CEP41: variants seen among roughly 807,000 people sequenced by gnomAD.
CEP41 encodes centrosomal protein 41.
Under a neutral mutation model 44.3 loss-of-function variants are expected in CEP41, and 32 were observed. The observed-to-expected ratio is 0.72, with a 90% confidence interval of 0.54 to 0.97. The LOEUF (loss-of-function observed/expected upper bound fraction) is 0.97, where lower values mean the gene tolerates loss of function less well. Among genes scored for constraint, CEP41 ranks in the 50% least tolerant of loss-of-function variants. The pLI is 0.00. For synonymous variants in CEP41, 151 were observed against 168.5 expected (o/e 0.90, Z 0.80); for missense variants, 432 against 455.2 (o/e 0.95, Z 0.46).
chr7:130,400,302 C>T (rs1554416551), intron 9 of CEP41, 48 bp from the exon 10 acceptor site: 1 of 1,349,314 alleles, frequency 7.4e-7, no homozygotes, highest in South Asian at 1.2e-5. Context: ...ATGGCAAGGC[C>T]AGGCCAAAAC....
At chr7:130,427,448 GTC>G (rs1797697114) in intron 2 of CEP41, among the ~76,000 whole-genome samples, 1 of 152,054 alleles carries the variant, frequency 6.6e-6, no homozygotes, top group African/African-American at 2.4e-5. Context: ...ACTCATTCAA[GTC>G]TGTCTGCCTC....
chr7:130,417,317 T>A, intron 2 of CEP41: 1 of 1,115,522 alleles, frequency 9.0e-7, no homozygotes, highest in Non-Finnish European at 1.1e-6. Context: ...ACGATCTTTT[T>A]GTGGGGAAGA....
At position 130,395,802 on chromosome 7, in the gene CEP41, A is replaced by G; in HGVS notation, c.*3089T>C. 2.2e-6 allele frequency: 1 copy of G among 453,674 alleles called. No individual in the cohort carries two copies. Among genetic ancestry groups the G allele is most frequent in the Non-Finnish European group, 4.4e-6 (1 of 226,728 alleles). 28.1% of individuals were successfully genotyped at this position (453,674 alleles called of 1,614,324 possible). A position where few individuals can be genotyped will look rare whatever the true frequency, so the allele number is the denominator to read the frequency against. On this transcript the variant is annotated 3_prime_UTR_variant, in exon 11 of 11. Transcript: ENST00000223208. Reference sequence around the variant, plus strand: ...GGAAAAATCCCTGAGCAACTAATGAATGTTATTTGGTCTCTTTTCATTCGG... The same window carrying G: ...GGAAAAATCCCTGAGCAACTAATGAGTGTTATTTGGTCTCTTTTCATTCGG...
rs781865266 is a variant in CEP41 at position 130,398,995 on chromosome 7, G to C, written c.1018C>G (p.Pro340Ala). ...ANSSGRESKV[P>A]GARSAQNLPG... ...AGATTCTGAGCGCTTCGGGCACCAG[G>C]CACCTTGGACTCTCTTCCGGAGGAG... The change falls in exon 11 of 11, where the codon CCT (proline) becomes GCT (alanine). Residue 340 changes from proline (P) to alanine (A), a missense_variant. By Grantham distance (27) the Pro-to-Ala change is conservative. Transcript: ENST00000223208. 5.0e-6 allele frequency: 8 copies of C among 1,614,070 alleles called. No homozygotes were observed. In the Admixed American group the frequency reaches 5.0e-5, roughly 10 times the overall value.
chr7:130,421,678 A>G, intron 2 of CEP41: 2 of 1,106,632 alleles, frequency 1.8e-6, no homozygotes, highest in Non-Finnish European at 2.2e-6. Context: ...AGACAAAAAT[A>G]AGGCTAGAAA....
At chr7:130,439,349 G>GTA (rs1563001417) in intron 1 of CEP41, among the ~76,000 whole-genome samples, 1 of 151,608 alleles carries the variant, frequency 6.6e-6, no homozygotes, top group African/African-American at 2.4e-5. Flanking sequence ...TAGTAGTTAA[G>GTA]TTTTTTTGCA....
In CEP41 at chr7:130,396,227, G is replaced by A. The variant is rs1477925038; in HGVS notation, c.*2664C>T. On this transcript the variant is annotated 3_prime_UTR_variant, in exon 11 of 11. Transcript: ENST00000223208. ...TCGATGAAGCACCTTCTGTCTCAGGGTTCACAAGCCCCAGACAAGGGCAGC... is the reference window on the plus strand; with the variant it reads ...TCGATGAAGCACCTTCTGTCTCAGGATTCACAAGCCCCAGACAAGGGCAGC... The A allele has an allele frequency of 2.2e-6, 1 of 453,904 alleles. No individual in the cohort carries two copies. Among genetic ancestry groups the A allele is most frequent in the African/African-American group, 2.0e-5 (1 of 49,976 alleles). The allele number at this position is 453,904 out of a possible 1,614,324, so 28.1% of individuals were successfully genotyped here.
chr7:130,410,915 G>C (rs1345534101), intron 5 of CEP41: 2 of 624,508 alleles, frequency 3.2e-6, no homozygotes, highest in Non-Finnish European at 5.8e-6. Context: ...AAAACTGTAA[G>C]TGTTAGAGTC....
At position 130,395,372 on chromosome 7, in the gene CEP41, A is replaced by G. The variant is rs1796628704; in HGVS notation, c.*3519T>C. 4.4e-6 allele frequency: 2 copies of G among 453,804 alleles called. No individual in the cohort carries two copies. The highest frequency in any genetic ancestry group is 6.9e-5 in the East Asian group (1 of 14,406). The allele number at this position is 453,804 out of a possible 1,614,324, so 28.1% of individuals were successfully genotyped here. A position where few individuals can be genotyped will look rare whatever the true frequency, so the allele number is the denominator to read the frequency against. On this transcript the variant is annotated 3_prime_UTR_variant, in exon 11 of 11. Coordinates refer to ENST00000223208, the MANE Select transcript of CEP41 (RefSeq NM_018718.3). ...TTGCGGTGTTTCCTGGGGAAAAAAA[A>G]GTATCGTGGGAGTTAAATCTTTGAA...
At chr7:130,415,555 T>G (rs1554420679) in intron 3 of CEP41, among the ~76,000 whole-genome samples, 1 of 152,350 alleles carries the variant, frequency 6.6e-6, no homozygotes, top group East Asian at 1.9e-4. Context: ...GGAGATCACC[T>G]CCACGTAAGG....
chr7:130,406,541 G>A (rs1431115461), intron 5 of CEP41, among the ~76,000 whole-genome samples: 1 of 152,098 alleles, frequency 6.6e-6, no homozygotes, highest in African/African-American at 2.4e-5. Flanking sequence ...CTGAGATCGT[G>A]CCACTGCACT....
chr7:130,417,340 G>T, intron 2 of CEP41: 8 of 1,083,772 alleles, frequency 7.4e-6, no homozygotes, highest in Non-Finnish European at 9.0e-6. Flanking sequence ...CACAGAAGAG[G>T]AGCAAAAAGG....
chr7:130,403,869 G>GAAT (rs1489659379), intron 6 of CEP41, among the ~76,000 whole-genome samples: 1 of 152,142 alleles, frequency 6.6e-6, no homozygotes, highest in Non-Finnish European at 1.5e-5. Context: ...AAAGCTAAAA[G>GAAT]AATAATAATA....
At chr7:130,402,549 T>C (rs1796883194) in intron 7 of CEP41, 99 bp downstream of exon 7, 1 of 1,327,048 alleles carries the variant, frequency 7.5e-7, no homozygotes, top group Non-Finnish European at 1.1e-6. Flanking sequence ...TACGGTTTCC[T>C]CAACTGTCTA....
intron 1 of CEP41, among the ~76,000 whole-genome samples, chr7:130,439,666 G>A (rs975377788): frequency 6.6e-6 from 1 of 152,144 alleles, no homozygotes; most frequent in Admixed American, 6.5e-5. Context: ...CTCTTGCAGG[G>A]CTTAGACTCA....
At chr7:130,412,314 G>A (rs1554419983) in intron 3 of CEP41, 74 bp from the exon 4 acceptor site, 2 of 786,960 alleles carry the variant, frequency 2.5e-6, no homozygotes, top group African/African-American at 1.7e-5. Flanking sequence ...GTCAAGTGAC[G>A]TGGTCTTTCA....
chr7:130,404,196 G>A (rs147036828), intron 6 of CEP41, among the ~76,000 whole-genome samples: 158 of 152,244 alleles, frequency 1.0e-3, no homozygotes, highest in African/African-American at 3.6e-3. Flanking sequence ...TGTCACTTCC[G>A]GACAGGGTAT....
rs1554415811 is a variant in CEP41 at position 130,398,416 on chromosome 7, C to T, written c.*475G>A. On this transcript the variant is annotated 3_prime_UTR_variant, in exon 11 of 11. Transcript: ENST00000223208. ...GGCTGGAACCTAAGGCTCATCTGCA[C>T]CCTTGGAAACAGCTTCTCACACCAA... The T allele has an allele frequency of 6.6e-6, 3 of 454,008 alleles. No homozygotes were observed. In the East Asian group the frequency reaches 2.1e-4, roughly 32 times the overall value. The allele number at this position is 454,008 out of a possible 1,614,324, so 28.1% of individuals were successfully genotyped here. A position where few individuals can be genotyped will look rare whatever the true frequency, so the allele number is the denominator to read the frequency against.
chr7:130,437,259 TAGGA>T (rs1165664012), intron 1 of CEP41, among the ~76,000 whole-genome samples: 1 of 150,014 alleles, frequency 6.7e-6, no homozygotes, highest in Non-Finnish European at 1.5e-5. Flanking sequence ...ATGGAGAAAA[TAGGA>T]GAGAGAAAGT....
Sources: gnomAD v4.1 joint callset for allele counts (sites outside exome capture counted in the v4.1 genomes callset) on GRCh38, gnomAD v4.1.1 for gene constraint, MANE v1.5 for transcripts, NCBI Gene and HGNC (gene_info 2026-07-23, HGNC 2026-07-21) for gene names.